The following RAD21L1 variants were observed in gnomAD, a reference collection of about 807,000 sequenced individuals.
The protein encoded by RAD21L1 is double-strand-break repair protein rad21-like protein 1.
In RAD21L1, 47 loss-of-function variants were observed where a neutral mutation model predicts 69.0. The ratio of observed to expected loss-of-function variants is 0.68; its 90% CI spans 0.54 to 0.87. The LOEUF is 0.87. RAD21L1 is among the 40% of genes least tolerant of loss of function. RAD21L1 has a pLI of 0.00. For synonymous variants in RAD21L1, 177 were observed against 205.8 expected, an observed-to-expected ratio of 0.86 and a Z score of 1.20; for missense variants, 583 against 647.6, an observed-to-expected ratio of 0.90 and a Z score of 1.08.
In RAD21L1 at chr20:1,244,173, A is replaced by C. The variant is rs2087675260; in HGVS notation, c.1308+3A>C. On this transcript the variant is annotated splice_donor_region_variant and intron_variant, in intron 11 of 13. Transcript: ENST00000683101. Reference sequence around the variant, plus strand: ...CCAATAAAAATATTAACTCTGAGGTAAGTTATCCAGAGAGAATCGTAAAAA... The same window carrying C: ...CCAATAAAAATATTAACTCTGAGGTCAGTTATCCAGAGAGAATCGTAAAAA... 4.2e-5 allele frequency: 64 copies of C among 1,532,344 alleles called. No homozygotes were observed. Among genetic ancestry groups the C allele is most frequent in the Non-Finnish European group, 5.5e-5 (62 of 1,134,188 alleles). The allele number at this position is 1,532,344 out of a possible 1,614,324, so 94.9% of individuals were successfully genotyped here. A position where few individuals can be genotyped will look rare whatever the true frequency, so the allele number is the denominator to read the frequency against.
intron 3 of RAD21L1, chr20:1,230,688 C>A: frequency 2.2e-6 from 1 of 460,974 alleles, no homozygotes; most frequent in Non-Finnish European, 2.8e-6. Flanking sequence ...CCTCAATCAA[C>A]ATTTGTTGAA....
rs1009308410 is a variant in RAD21L1 at position 1,229,896 on chromosome 20, G to C, written c.161G>C (p.Arg54Pro). 1.9e-6 allele frequency: 3 copies of C among 1,547,128 alleles called. No homozygotes were observed. In the African/African-American group the frequency reaches 4.1e-5, roughly 21 times the overall value. The change falls in exon 3 of 14, where the codon CGA (arginine) becomes CCA (proline). Residue 54 changes from arginine to proline, a missense_variant. By Grantham distance (103) the Arg-to-Pro change is moderately radical. Coordinates refer to ENST00000683101, the MANE Select transcript of RAD21L1 (RefSeq NM_001384355.1). ...TATTGAAAGGTGAAAATAGCACTTC[G>C]AACTTCAGGACACCTTCTTTTGGGA... Reference protein sequence around the residue: ...ILSPKVKIALRTSGHLLLGVV... With the variant: ...ILSPKVKIALPTSGHLLLGVV...
intron 5 of RAD21L1, among the ~76,000 whole-genome samples, chr20:1,236,662 G>T (rs929912912): frequency 6.6e-6 from 1 of 152,200 alleles, no homozygotes. Context: ...TATTTGTAAA[G>T]TTGGGATATA....
At chr20:1,237,421 C>T (rs921686665) in intron 5 of RAD21L1, among the ~76,000 whole-genome samples, 8 of 151,916 alleles carry the variant, frequency 5.3e-5, no homozygotes, top group Admixed American at 1.3e-4. Flanking sequence ...TGTGTTTCCT[C>T]ATCTGTACAA....
Position 1,229,943 on chromosome 20 carries a change from A to G in RAD21L1, c.208A>G (p.Lys70Glu). Residue 70 changes from lysine (K) to glutamate (E), a missense_variant, in exon 3 of 14, where the codon AAG (lysine) becomes GAG (glutamate). By Grantham distance (56) the Lys-to-Glu change is moderately conservative (BLOSUM62 1). Coordinates refer to ENST00000683101, the MANE Select transcript of RAD21L1 (RefSeq NM_001384355.1). ...GGGAGTTGTTCGAATCTATAACAGG[A>G]AGGCAAAATATCTTTTGGCAGATTG... ...LLGVVRIYNR[K>E]AKYLLADCSE... is the part of the protein sequence containing the mutation. The G allele has an allele frequency of 1.3e-6, 2 of 1,550,598 alleles. No homozygotes were observed. Among genetic ancestry groups the G allele is most frequent in the Non-Finnish European group, 1.7e-6 (2 of 1,145,940 alleles).
At chr20:1,242,325 C>G (rs1394165389) in intron 8 of RAD21L1, among the ~76,000 whole-genome samples, 1 of 152,158 alleles carries the variant, frequency 6.6e-6, no homozygotes, top group Non-Finnish European at 1.5e-5. Context: ...CTCTGCCACT[C>G]AGGCTCAAGG....
At position 1,246,303 on chromosome 20, in the gene RAD21L1, T is replaced by C. The variant is rs1388447721; in HGVS notation, c.1399T>C (p.Leu467=). ...AQEIEYSPVE[L]ESLSNEENIE... is the part of the protein sequence containing the mutation. ...AGAAATTGAATATAGTCCAGTTGAA[T>C]TGGTAAATATATGTGTAGTCTTGGG... The change falls in exon 12 of 14, where the codon TTG becomes CTG. Residue 467 remains leucine, a splice_region_variant and synonymous_variant. Coordinates refer to ENST00000683101, the MANE Select transcript of RAD21L1 (RefSeq NM_001384355.1). The surrounding 1 kb of genome is among the most constrained non-coding windows in gnomAD (Gnocchi z 4.6). 2.8e-6 allele frequency: 4 copies of C among 1,442,410 alleles called. No homozygotes were observed. The allele number at this position is 1,442,410 out of a possible 1,614,324, so 89.4% of individuals were successfully genotyped here.
intron 2 of RAD21L1, among the ~76,000 whole-genome samples, chr20:1,228,891 T>A (rs1415219027): frequency 6.6e-6 from 1 of 152,216 alleles, no homozygotes; most frequent in Non-Finnish European, 1.5e-5. Flanking sequence ...ACATAGTAAG[T>A]ACTTAATAAG....
In RAD21L1 at chr20:1,238,058, A is replaced by C; in HGVS notation, c.490A>C (p.Ile164Leu). The change falls in exon 6 of 14, where the codon ATT becomes CTT. Residue 164 changes from isoleucine to leucine, a missense_variant. Coordinates refer to ENST00000683101, the MANE Select transcript of RAD21L1 (RefSeq NM_001384355.1). The part of the protein sequence containing the change: ...QAESFGEESE[I>L]LRRHSFFDDN... ...TATTTATTTAGGGGAGGAATCTGAA[A>C]TTCTCAGAAGACATAGCTTCTTTGA... 1 of 1,507,514 alleles carries C rather than the reference A, an allele frequency of 6.6e-7. No individual in the cohort carries two copies. Among genetic ancestry groups the C allele is most frequent in the East Asian group, 2.5e-5 (1 of 40,482 alleles). The allele number at this position is 1,507,514 out of a possible 1,614,324, so 93.4% of individuals were successfully genotyped here. A position where few individuals can be genotyped will look rare whatever the true frequency, so the allele number is the denominator to read the frequency against.
At chr20:1,243,024 A>T in intron 9 of RAD21L1, 73 bp from the exon 10 acceptor site, 1 of 1,015,988 alleles carries the variant, frequency 9.8e-7, no homozygotes, top group Non-Finnish European at 1.4e-6. Context: ...TCCTTTTTAG[A>T]TATGTGCTTG....
intron 5 of RAD21L1, among the ~76,000 whole-genome samples, chr20:1,235,975 C>G (rs1298597432): frequency 6.6e-6 from 1 of 152,082 alleles, no homozygotes; most frequent in Non-Finnish European, 1.5e-5. Context: ...ACCATGTTGG[C>G]CAGGCTGGTT....
chr20:1,252,949 A>G (rs1333864919), intron 13 of RAD21L1, among the ~76,000 whole-genome samples: 1 of 152,194 alleles, frequency 6.6e-6, no homozygotes, highest in Non-Finnish European at 1.5e-5. Flanking sequence ...ACACAAATAA[A>G]CGCTTATGTT....
At chr20:1,230,396 C>A in intron 3 of RAD21L1, 1 of 218,946 alleles carries the variant, frequency 4.6e-6, no homozygotes, top group Non-Finnish European at 7.8e-6. Context: ...TTTCAGAATT[C>A]TCAAGATTCC....
At chr20:1,233,658 A>C (rs1462453270) in intron 4 of RAD21L1, among the ~76,000 whole-genome samples, 1 of 152,176 alleles carries the variant, frequency 6.6e-6, no homozygotes, top group African/African-American at 2.4e-5. Flanking sequence ...CCGTATTCTC[A>C]CATGGTAGAT....
chr20:1,254,215 A>G, intron 13 of RAD21L1, 54 bp from the exon 14 acceptor site: 1 of 1,247,250 alleles, frequency 8.0e-7, no homozygotes, highest in Non-Finnish European at 1.1e-6. Context: ...AGCCGGCTTT[A>G]CTTCTAATGA....
intron 11 of RAD21L1, 41 bp downstream of exon 11, chr20:1,244,211 T>C (rs1237958662): frequency 2.2e-6 from 3 of 1,353,864 alleles, no homozygotes; most frequent in African/African-American, 2.9e-5. Context: ...TTTTATTTTC[T>C]ACAGATACAG....
At chr20:1,252,633 G>A (rs1248603878) in intron 13 of RAD21L1, among the ~76,000 whole-genome samples, 2 of 137,882 alleles carry the variant, frequency 1.5e-5, no homozygotes, top group African/African-American at 2.5e-5. Context: ...GCAACTTCAC[G>A]CCTTCTGCTG....
At chr20:1,247,583 A>G (rs1186895222) in intron 12 of RAD21L1, among the ~76,000 whole-genome samples, 1 of 152,196 alleles carries the variant, frequency 6.6e-6, no homozygotes, top group Non-Finnish European at 1.5e-5. Context: ...AGCATACAGC[A>G]TAGGCAGGCC....
At position 1,249,898 on chromosome 20, in the gene RAD21L1, C is replaced by T. The variant is rs552473609; in HGVS notation, c.1479+1195C>T. Among the ~76,000 whole-genome samples, 4 of 151,984 alleles carry T rather than the reference C, an allele frequency of 2.6e-5. No individual in the cohort carries two copies. The East Asian group carries it at 7.7e-4, about 29-fold the overall frequency. On this transcript the variant is annotated intron_variant, in intron 13 of 13. Coordinates refer to ENST00000683101, the MANE Select transcript of RAD21L1 (RefSeq NM_001384355.1). ...TACTTTAAGTTCTAGGGTACATGTG[C>T]ACAACGTGCAGGTTTGTTACATATG...
Sources: gnomAD v4.1 joint callset for allele counts (sites outside exome capture counted in the v4.1 genomes callset) on GRCh38, gnomAD v4.1.1 for gene constraint, Gnocchi (gnomAD v3.1) non-coding constraint, MANE v1.5 for transcripts, NCBI Gene and HGNC (gene_info 2026-07-23, HGNC 2026-07-21) for gene names.